Variants in ZSCAN25 observed in about 807,000 individuals in gnomAD.
The protein encoded by ZSCAN25 is zinc finger and SCAN domain containing 25.
Under a neutral mutation model 38.7 loss-of-function variants are expected in ZSCAN25, and 27 were observed. That is an observed-to-expected ratio of 0.70 (90% CI 0.51 to 0.96). The LOEUF is 0.96. ZSCAN25 is among the 40% of genes least tolerant of loss of function. The pLI, the probability that ZSCAN25 is intolerant of heterozygous loss-of-function variation, is 0.00. For missense variants in ZSCAN25, 637 were observed against 705.9 expected (o/e 0.90, Z 1.11); for synonymous variants, 273 against 277.7 (o/e 0.98, Z 0.17).
At chr7:99,697,917 C>T in the ZSCAN25 span, among the ~76,000 whole-genome samples, 1 of 152,200 alleles carries the variant, frequency 6.6e-6, no homozygotes, top group Admixed American at 6.5e-5. Context: ...TCTACACTTT[C>T]TAGAAGTTAC....
the ZSCAN25 span, chr7:99,685,321 G>A: frequency 2.6e-6 from 4 of 1,527,166 alleles, no homozygotes; most frequent in Non-Finnish European, 3.6e-6. Context: ...AAAATGTATT[G>A]CTGACTATGC....
the ZSCAN25 span, among the ~76,000 whole-genome samples, chr7:99,662,578 C>CT: frequency 6.6e-6 from 1 of 152,200 alleles, no homozygotes; most frequent in Non-Finnish European, 1.5e-5. The surrounding 1 kb of genome is among the most constrained non-coding windows in gnomAD (Gnocchi z 4.3). Flanking sequence ...CCACAAACCA[C>CT]TGACTGTCCT....
At chr7:99,703,688 T>C in the ZSCAN25 span, among the ~76,000 whole-genome samples, 1 of 152,282 alleles carries the variant, frequency 6.6e-6, no homozygotes, top group South Asian at 2.1e-4. Flanking sequence ...CTGGCTTCTA[T>C]CATCCTTAAT....
chr7:99,645,724 T>A, the ZSCAN25 span, among the ~76,000 whole-genome samples: 3 of 152,212 alleles, frequency 2.0e-5, no homozygotes, highest in African/African-American at 4.8e-5. Flanking sequence ...AGCTTTTTTT[T>A]TATATGATTG....
chr7:99,632,081 C>G lies in ZSCAN25; in HGVS notation c.*2061C>G. The stretch of plus-strand genomic sequence containing the variant: ...CAGATGCTCTTTTGTCATACACAGC[C>G]AGCATTCCTCTGGGTTTCAGCAAGT... On this transcript the variant is annotated 3_prime_UTR_variant, in exon 8 of 8. Transcript: ENST00000394152. 1 of 985,388 alleles carries G rather than the reference C, an allele frequency of 1.0e-6. No homozygotes were observed. Among genetic ancestry groups the G allele is most frequent in the South Asian group, 4.7e-5 (1 of 21,278 alleles). 61.0% of individuals were successfully genotyped at this position (985,388 alleles called of 1,614,324 possible).
the ZSCAN25 span, among the ~76,000 whole-genome samples, chr7:99,726,445 T>G: frequency 6.6e-6 from 1 of 152,216 alleles, no homozygotes; most frequent in Non-Finnish European, 1.5e-5. Context: ...ATCCACCCTG[T>G]GGTGCCCAAC....
chr7:99,699,207 G>C, the ZSCAN25 span, among the ~76,000 whole-genome samples: 2 of 152,210 alleles, frequency 1.3e-5, no homozygotes, highest in Non-Finnish European at 2.9e-5. Flanking sequence ...CTATATTAAT[G>C]CTAGCCTCCC....
the ZSCAN25 span, chr7:99,709,034 C>T: frequency 6.2e-7 from 1 of 1,613,934 alleles, no homozygotes; most frequent in Non-Finnish European, 8.5e-7. Flanking sequence ...GGGCCTCCTA[C>T]CTTTCAGGGA....
the ZSCAN25 span, chr7:99,660,213 CCTTT>C: frequency 1.5e-6 from 1 of 653,722 alleles, no homozygotes; most frequent in Non-Finnish European, 1.8e-6. Context: ...TCGCCACACT[CCTTT>C]TTTTTTTTTT....
downstream of ZSCAN25, among the ~76,000 whole-genome samples, chr7:99,637,247 A>G (rs1287804000): frequency 6.6e-6 from 1 of 152,176 alleles, no homozygotes; most frequent in Non-Finnish European, 1.5e-5. Context: ...CCTGTTAGTA[A>G]TTTTTAAATT....
At chr7:99,705,515 G>A in the ZSCAN25 span, 1,922 of 1,613,404 alleles carry the variant, frequency 1.2e-3, 15 homozygotes, top group African/African-American at 0.011. Flanking sequence ...CTCCACTTAC[G>A]GTCTCATCCC....
At chr7:99,672,711 C>G in the ZSCAN25 span, 1 of 1,612,458 alleles carries the variant, frequency 6.2e-7, no homozygotes, top group Non-Finnish European at 8.5e-7. Context: ...GATTAAACTT[C>G]ACTAGCCCGA....
At chr7:99,678,190 C>T in the ZSCAN25 span, among the ~76,000 whole-genome samples, 1 of 152,244 alleles carries the variant, frequency 6.6e-6, no homozygotes, top group East Asian at 1.9e-4. Flanking sequence ...CACAACATGG[C>T]AGACCACACA....
the ZSCAN25 span, among the ~76,000 whole-genome samples, chr7:99,682,535 G>A: frequency 6.6e-6 from 1 of 152,098 alleles, no homozygotes; most frequent in Admixed American, 6.6e-5. Flanking sequence ...TACCTCTGTA[G>A]TATAATTTGA....
the ZSCAN25 span, among the ~76,000 whole-genome samples, chr7:99,645,311 G>C: frequency 6.6e-6 from 1 of 152,140 alleles, no homozygotes; most frequent in Non-Finnish European, 1.5e-5. Context: ...TTTTATGGCT[G>C]CATAGTATCC....
chr7:99,683,752 G>A, the ZSCAN25 span, among the ~76,000 whole-genome samples: 1 of 152,164 alleles, frequency 6.6e-6, no homozygotes, highest in Non-Finnish European at 1.5e-5. Context: ...CACAGGCCGG[G>A]CTGTTTCTCC....
At chr7:99,699,428 C>A in the ZSCAN25 span, among the ~76,000 whole-genome samples, 1 of 151,970 alleles carries the variant, frequency 6.6e-6, no homozygotes. Context: ...CTTGGTGTTC[C>A]CCGGTGTGTT....
At chr7:99,705,065 T>G in the ZSCAN25 span, 1 of 161,942 alleles carries the variant, frequency 6.2e-6, no homozygotes, top group African/African-American at 2.4e-5. Flanking sequence ...TTTATTGATT[T>G]GCTTAATATA....
the ZSCAN25 span, chr7:99,717,309 A>T: frequency 3.1e-6 from 5 of 1,613,702 alleles, no homozygotes; most frequent in Non-Finnish European, 4.2e-6. Flanking sequence ...ATGTGCAGAC[A>T]TAAGTCCCAG....
Sources: gnomAD v4.1 joint callset for allele counts (sites outside exome capture counted in the v4.1 genomes callset) on GRCh38, gnomAD v4.1.1 for gene constraint, Gnocchi (gnomAD v3.1) non-coding constraint, MANE v1.5 for transcripts, NCBI Gene and HGNC (gene_info 2026-07-23, HGNC 2026-07-21) for gene names.